Variants in TSKS observed in about 807,000 individuals in gnomAD.
TSKS encodes the protein testis-specific serine kinase substrate.
In TSKS, 27 loss-of-function variants were observed where a neutral mutation model predicts 68.0. That is an observed-to-expected ratio of 0.40 (90% CI 0.29 to 0.55). The LOEUF (loss-of-function observed/expected upper bound fraction) is 0.55, where lower values mean the gene tolerates loss of function less well. Ranked by LOEUF, TSKS falls within the 20% of genes least tolerant of loss-of-function variation. The pLI is 0.53. For missense variants in TSKS, 806 were observed against 776.0 expected, an observed-to-expected ratio of 1.04 and a Z score of -0.46; for synonymous variants, 331 against 340.4, an observed-to-expected ratio of 0.97 and a Z score of 0.30.
intron 2 of TSKS, 21 bp downstream of exon 2, chr19:49,761,983 G>C (rs751372849): frequency 6.3e-7 from 1 of 1,588,178 alleles, no homozygotes; most frequent in Admixed American, 1.7e-5. Context: ...CTCCCCAGCG[G>C]GTGGTGTGGA....
At position 49,761,287 on chromosome 19, in the gene TSKS, G is replaced by A. The variant is rs189396140; in HGVS notation, c.399+717C>T. ...CTGTTTTAGGCCTGGCCCAGGGGAA[G>A]CCAGGTGGGGGGTGAGGATCAGAGG... On this transcript the variant is annotated intron_variant, in intron 2 of 10. Coordinates refer to ENST00000246801, the MANE Select transcript of TSKS (RefSeq NM_021733.2). Among the ~76,000 whole-genome samples, 5 of 152,154 alleles carry A rather than the reference G, an allele frequency of 3.3e-5. No individual in the cohort carries two copies. In the East Asian group the frequency reaches 9.6e-4, roughly 29 times the overall value.
Position 49,761,996 on chromosome 19 carries a change from G to A in TSKS, c.399+8C>T, listed in dbSNP as rs376921506. Reference sequence around the variant, plus strand: ...TCCTCCCCAGCGGGTGGTGTGGAGGGCCCTCACCAGGATTTCCGTGATGTC... The same window carrying A: ...TCCTCCCCAGCGGGTGGTGTGGAGGACCCTCACCAGGATTTCCGTGATGTC... On this transcript the variant is annotated splice_region_variant and intron_variant, in intron 2 of 10. Coordinates refer to ENST00000246801, the MANE Select transcript of TSKS (RefSeq NM_021733.2). 3.5e-5 allele frequency: 56 copies of A among 1,604,526 alleles called. No individual in the cohort carries two copies. Among genetic ancestry groups the A allele is most frequent in the Non-Finnish European group, 4.2e-5 (49 of 1,172,382 alleles).
chr19:49,746,034 A>T (rs938115806), intron 6 of TSKS, among the ~76,000 whole-genome samples: 1 of 152,020 alleles, frequency 6.6e-6, no homozygotes, highest in Non-Finnish European at 1.5e-5. Context: ...ATACAAAAAA[A>T]TAGCCAGGCG....
In TSKS at chr19:49,748,149, C is replaced by T; in HGVS notation, c.515G>A (p.Ser172Asn). The change falls in exon 4 of 11, where the codon AGC (serine) becomes AAC (asparagine). Residue 172 changes from serine (S) to asparagine (N), a missense_variant. Coordinates refer to ENST00000246801, the MANE Select transcript of TSKS (RefSeq NM_021733.2). Reference protein sequence around the residue: ...QSLQSECSVLSENLERRRQEA... With the variant: ...QSLQSECSVLNENLERRRQEA... ...TTGCCGCCTTCTCTCCAGATTCTCG[C>T]TCAGCACAGAACACTCGCTCTGGAG... The T allele has an allele frequency of 1.2e-6, 2 of 1,614,214 alleles. No homozygotes were observed. The highest frequency in any genetic ancestry group is 1.7e-6 in the Non-Finnish European group (2 of 1,180,040).
chr19:49,748,406 T>G lies in TSKS; in HGVS notation c.463A>C (p.Asn155His). 1 of 1,614,200 alleles carries G rather than the reference T, an allele frequency of 6.2e-7. No homozygotes were observed. Among genetic ancestry groups the G allele is most frequent in the Non-Finnish European group, 8.5e-7 (1 of 1,180,024 alleles). The change falls in exon 3 of 11, where the codon AAC becomes CAC. Residue 155 changes from asparagine to histidine, a missense_variant. By Grantham distance (68) the Asn-to-His change is moderately conservative. Coordinates refer to ENST00000246801, the MANE Select transcript of TSKS (RefSeq NM_021733.2). Reference protein sequence around the residue: ...DSITSLKEKTNRVNQHVQSLQ... With the variant: ...DSITSLKEKTHRVNQHVQSLQ... ...GACTGCACGTGCTGGTTAACCCGGT[T>G]GGTCTTTTCCTTCAAGCTGGTGATG...
At chr19:49,762,966 A>G in intron 1 of TSKS, 112 bp downstream of exon 1, 1 of 1,376,092 alleles carries the variant, frequency 7.3e-7, no homozygotes, top group South Asian at 1.4e-5. Flanking sequence ...CCTGCCCCCG[A>G]CCTGCTGGCT....
chr19:49,746,391 C>A, intron 6 of TSKS, 79 bp downstream of exon 6: 1 of 1,548,564 alleles, frequency 6.5e-7, no homozygotes. Context: ...TGGGTCCCGC[C>A]CACCGCATCT....
chr19:49,748,303 G>T, intron 3 of TSKS, 71 bp downstream of exon 3: 1 of 1,574,338 alleles, frequency 6.4e-7, no homozygotes, highest in Non-Finnish European at 8.7e-7. Flanking sequence ...GCATTCTGCT[G>T]GAGGCAGGCT....
chr19:49,745,770 G>A (rs1313459637), intron 6 of TSKS, among the ~76,000 whole-genome samples: 1 of 151,380 alleles, frequency 6.6e-6, no homozygotes, highest in Non-Finnish European at 1.5e-5. Flanking sequence ...ACCAGGCCTG[G>A]ACCTGCCTCC....
chr19:49,743,085 G>T (rs76136140), intron 8 of TSKS, among the ~76,000 whole-genome samples: 7,605 of 143,146 alleles, frequency 0.053, 232 homozygotes, highest in East Asian at 0.094. Flanking sequence ...TGTACTAAGT[G>T]TTTTTTTTTT....
At chr19:49,753,907 CAG>C (rs907201807) in intron 2 of TSKS, among the ~76,000 whole-genome samples, 1 of 147,052 alleles carries the variant, frequency 6.8e-6, no homozygotes. Flanking sequence ...TTTTTTGAGA[CAG>C]AGTCTCCCTC....
rs545045361 is a variant in TSKS, at chr19:49,758,237, C to T, written c.399+3767G>A. On this transcript the variant is annotated intron_variant, in intron 2 of 10. Transcript: ENST00000246801. ...TCTCTGGGTCTCTGTGTCCTTCTCT[C>T]TGCCTGTCCCCGCCTTCTCTCTGGA... Among the ~76,000 whole-genome samples, 112 of 152,248 alleles carry T rather than the reference C, an allele frequency of 7.4e-4. 1 individual carries two copies. The highest frequency in any genetic ancestry group is 3.4e-3 in the Middle Eastern group (1 of 294).
intron 1 of TSKS, 133 bp downstream of exon 1, chr19:49,762,945 C>G (rs1285970916): frequency 8.8e-7 from 1 of 1,131,484 alleles, no homozygotes; most frequent in Non-Finnish European, 1.2e-6. Context: ...CTCTTCACTG[C>G]TGCCCTCTTT....
At chr19:49,742,339 A>T (rs1012901190) in intron 8 of TSKS, among the ~76,000 whole-genome samples, 1 of 151,956 alleles carries the variant, frequency 6.6e-6, no homozygotes, top group Non-Finnish European at 1.5e-5. Context: ...TTGGGACTAC[A>T]GGCATGTGCC....
At chr19:49,746,343 T>G in intron 6 of TSKS, 127 bp downstream of exon 6, 2 of 1,133,198 alleles carry the variant, frequency 1.8e-6, no homozygotes, top group South Asian at 3.0e-5. Flanking sequence ...TCCACCCATG[T>G]CACCGCCCAC....
At chr19:49,747,330 G>C in intron 5 of TSKS, 59 bp downstream of exon 5, 1 of 1,613,296 alleles carries the variant, frequency 6.2e-7, no homozygotes, top group Non-Finnish European at 8.5e-7. Context: ...AGTGTATCTT[G>C]AGTCCCTCGT....
chr19:49,759,977 A>G (rs2084427348), intron 2 of TSKS, among the ~76,000 whole-genome samples: 1 of 151,234 alleles, frequency 6.6e-6, no homozygotes, highest in Non-Finnish European at 1.5e-5. Flanking sequence ...ACATGGTGAA[A>G]CCCCATCTCT....
Position 49,761,987 on chromosome 19 carries a change from G to A in TSKS, c.399+17C>T, listed in dbSNP as rs144347419. The A allele has an allele frequency of 4.6e-4, 732 of 1,598,134 alleles. No individual in the cohort carries two copies. Among genetic ancestry groups the A allele is most frequent in the Admixed American group, 6.5e-4 (39 of 59,710 alleles). ...GGACCTCGGTCCTCCCCAGCGGGTG[G>A]TGTGGAGGGCCCTCACCAGGATTTC... is the stretch of plus-strand genomic sequence containing the variant. On this transcript the variant is annotated intron_variant, in intron 2 of 10. Coordinates refer to ENST00000246801, the MANE Select transcript of TSKS (RefSeq NM_021733.2).
chr19:49,745,263 G>C lies in TSKS; in HGVS notation c.1126C>G (p.Gln376Glu). 1 of 1,608,090 alleles carries C rather than the reference G, an allele frequency of 6.2e-7. No homozygotes were observed. Among genetic ancestry groups the C allele is most frequent in the Non-Finnish European group, 8.5e-7 (1 of 1,179,612 alleles). ...TGCAAGTCCCGCGCCGTCTGTGCCT[G>C]TTCGCGCTGTGCCCGCTCCCACTGG... is the stretch of plus-strand genomic sequence containing the variant. The part of the protein sequence containing the change: ...LGQWERAQRE[Q>E]AQTARDLQEL... The change falls in exon 7 of 11, where the codon CAG (glutamine) becomes GAG (glutamate). Residue 376 changes from glutamine (Q) to glutamate (E), a missense_variant. By Grantham distance (29) the Gln-to-Glu change is conservative (BLOSUM62 2). Coordinates refer to ENST00000246801, the MANE Select transcript of TSKS (RefSeq NM_021733.2).
Sources: allele counts gnomAD v4.1 joint callset (sites outside exome capture counted in the v4.1 genomes callset), GRCh38; gene constraint gnomAD v4.1.1; transcripts MANE v1.5; gene names NCBI Gene and HGNC (gene_info 2026-07-23, HGNC 2026-07-21).